Variants in SEMA4D observed in about 807,000 individuals in gnomAD.
SEMA4D encodes the protein semaphorin-4D.
A neutral mutation model predicts 74.8 loss-of-function variants in SEMA4D; 22 were observed. The ratio of observed to expected loss-of-function variants is 0.29; its 90% CI spans 0.21 to 0.42. The LOEUF (loss-of-function observed/expected upper bound fraction) is 0.42. SEMA4D is among the 10% of genes least tolerant of loss of function. The pLI, the probability that SEMA4D is intolerant of heterozygous loss-of-function variation, is 1.00. For missense variants in SEMA4D, 937 were observed against 1,118.4 expected (o/e 0.84, Z 2.31); for synonymous variants, 445 against 463.7 (o/e 0.96, Z 0.52).
At chr9:89,491,474 G>A (rs149747051) in intron 1 of SEMA4D, among the ~76,000 whole-genome samples, 412 of 152,276 alleles carry the variant, frequency 2.7e-3, no homozygotes, top group Non-Finnish European at 4.1e-3. Context: ...GGAGGCTGAC[G>A]CAGGTGAATG....
At chr9:89,450,308 C>A in intron 2 of SEMA4D, 1 of 913,620 alleles carries the variant, frequency 1.1e-6, no homozygotes, top group Non-Finnish European at 1.8e-6. Context: ...ACAAATGAGA[C>A]CCCTCCAAAC....
intron 1 of SEMA4D, among the ~76,000 whole-genome samples, chr9:89,489,974 T>A (rs1270298811): frequency 6.6e-6 from 1 of 152,204 alleles, no homozygotes; most frequent in Non-Finnish European, 1.5e-5. Flanking sequence ...CCGGAGTGTA[T>A]GAGGGTTCTA....
At chr9:89,374,756 T>A (rs1835555664), downstream of SEMA4D, among the ~76,000 whole-genome samples, 1 of 152,124 alleles carries the variant, frequency 6.6e-6, no homozygotes, top group African/African-American at 2.4e-5. Context: ...GCCTCACATT[T>A]AAAAATGTAA....
At chr9:89,477,183 T>C (rs1168983251) in intron 1 of SEMA4D, among the ~76,000 whole-genome samples, 1 of 152,190 alleles carries the variant, frequency 6.6e-6, no homozygotes, top group Non-Finnish European at 1.5e-5. Context: ...ACTGCTATTC[T>C]GGAACCTATG....
At chr9:89,395,623 T>C (rs1840793356) in intron 6 of SEMA4D, among the ~76,000 whole-genome samples, 1 of 151,890 alleles carries the variant, frequency 6.6e-6, no homozygotes, top group Non-Finnish European at 1.5e-5. Context: ...CAAAAGTAAA[T>C]ACAAACGACT....
chr9:89,421,478 G>A (rs192573438), intron 2 of SEMA4D, among the ~76,000 whole-genome samples: 32 of 152,300 alleles, frequency 2.1e-4, no homozygotes, highest in Admixed American at 2.0e-3. Context: ...TGATCCAACA[G>A]TCCTCTACCA....
intron 1 of SEMA4D, among the ~76,000 whole-genome samples, chr9:89,476,097 G>A (rs1329936667): frequency 1.3e-5 from 2 of 152,156 alleles, no homozygotes; most frequent in African/African-American, 4.8e-5. Context: ...CCCGGACCTC[G>A]CTCCTGGTGC....
chr9:89,387,312 G>T, intron 12 of SEMA4D, 74 bp downstream of exon 12: 1 of 1,287,838 alleles, frequency 7.8e-7, no homozygotes, highest in Non-Finnish European at 1.1e-6. Context: ...AAGAATAATT[G>T]GATTTCCCAG....
At chr9:89,497,202 G>C (rs375134152) in intron 1 of SEMA4D, among the ~76,000 whole-genome samples, 83 of 152,226 alleles carry the variant, frequency 5.5e-4, no homozygotes, top group African/African-American at 1.8e-3. Flanking sequence ...AACCCCAGTA[G>C]AGCCAGCCCC....
chr9:89,362,546 T>C (rs1832857529), intron 18 of SEMA4D: 2 of 1,569,824 alleles, frequency 1.3e-6, no homozygotes. Flanking sequence ...CAGCCCCCTG[T>C]TGTGGTTCCC....
At chr9:89,397,578 T>C (rs922983247) in intron 5 of SEMA4D, among the ~76,000 whole-genome samples, 11 of 152,256 alleles carry the variant, frequency 7.2e-5, no homozygotes, top group African/African-American at 2.7e-4. Flanking sequence ...TGCTATAGTC[T>C]GAAATTATCC....
At chr9:89,481,082 C>A (rs1438926058) in intron 1 of SEMA4D, among the ~76,000 whole-genome samples, 1 of 152,278 alleles carries the variant, frequency 6.6e-6, no homozygotes, top group African/African-American at 2.4e-5. Context: ...GAACCTGGGA[C>A]ACACTAGGCA....
At chr9:89,408,382 A>G (rs907095419) in intron 2 of SEMA4D, among the ~76,000 whole-genome samples, 2 of 152,114 alleles carry the variant, frequency 1.3e-5, no homozygotes, top group Non-Finnish European at 2.9e-5. Flanking sequence ...CTCAGTCCTC[A>G]TTGCATGCAA....
chr9:89,402,800 C>T, intron 4 of SEMA4D, 71 bp downstream of exon 4: 2 of 1,545,928 alleles, frequency 1.3e-6, no homozygotes. Context: ...CCCCCAGCCC[C>T]ACAGTGGGGC....
chr9:89,375,266 C>T (rs1397850406), downstream of SEMA4D, among the ~76,000 whole-genome samples: 2 of 152,188 alleles, frequency 1.3e-5, no homozygotes, highest in African/African-American at 2.4e-5. Flanking sequence ...TCTGGGATGC[C>T]TGCACCAAGG....
chr9:89,387,826 T>C (rs1229241080), intron 11 of SEMA4D, among the ~76,000 whole-genome samples: 2 of 152,218 alleles, frequency 1.3e-5, no homozygotes, highest in Admixed American at 1.3e-4. Flanking sequence ...CAAGACAGAA[T>C]TGCATTCACG....
At chr9:89,401,598 C>T (rs575655105) in intron 4 of SEMA4D, among the ~76,000 whole-genome samples, 139 of 152,196 alleles carry the variant, frequency 9.1e-4, no homozygotes, top group Non-Finnish European at 1.8e-3. Context: ...GTAGGTGTTT[C>T]ACTGTGATGG....
chr9:89,487,897 C>A (rs1825314521), intron 1 of SEMA4D, among the ~76,000 whole-genome samples: 1 of 152,120 alleles, frequency 6.6e-6, no homozygotes, highest in African/African-American at 2.4e-5. Flanking sequence ...GGTCAAGAGA[C>A]CAAATATTGT....
intron 2 of SEMA4D, among the ~76,000 whole-genome samples, chr9:89,423,077 T>A (rs918688350): frequency 6.6e-6 from 1 of 152,202 alleles, no homozygotes; most frequent in Non-Finnish European, 1.5e-5. Flanking sequence ...ATAACTTCCA[T>A]GATTTATTTT....
Sources: allele counts gnomAD v4.1 joint callset (sites outside exome capture counted in the v4.1 genomes callset), GRCh38; gene constraint gnomAD v4.1.1; transcripts MANE v1.5; gene names NCBI Gene and HGNC (gene_info 2026-07-23, HGNC 2026-07-21).